PCDHGA4: variants seen among roughly 807,000 people sequenced by gnomAD.
PCDHGA4 encodes the protein protocadherin gamma subfamily A, 4, also known as protocadherin gamma-A4.
A neutral mutation model predicts 54.6 loss-of-function variants in PCDHGA4; 38 were observed. The ratio of observed to expected loss-of-function variants is 0.70; its 90% confidence interval spans 0.54 to 0.91. PCDHGA4 has a LOEUF of 0.91. PCDHGA4 is among the 40% of genes least tolerant of loss of function. The pLI, the probability that PCDHGA4 is intolerant of heterozygous loss-of-function variation, is 0.00. For synonymous variants in PCDHGA4, 511 were observed against 512.9 expected, an observed-to-expected ratio of 1.00 and a Z score of 0.05; for missense variants, 1,298 against 1,220.9, an observed-to-expected ratio of 1.06 and a Z score of -0.94.
rs371130763 is a variant in PCDHGA4 at position 141,432,970 on chromosome 5, G to A, written c.2515-61837G>A. The A allele has an allele frequency of 5.0e-6, 8 of 1,613,996 alleles. No homozygotes were observed. Among genetic ancestry groups the A allele is most frequent in the East Asian group, 4.5e-5 (2 of 44,868 alleles). ...GAGGCGGCTTGACAGGAGCGCCGGC[G>A]TCGCACTTTGTGGGCGTGGACGGGG... On this transcript the variant is annotated intron_variant, in intron 1 of 3. Transcript: ENST00000571252. The surrounding 1 kb of genome is among the most constrained non-coding windows in gnomAD (Gnocchi z 6.0).
intron 1 of PCDHGA4, chr5:141,364,604 C>A (rs370007558): frequency 1.9e-6 from 3 of 1,614,162 alleles, no homozygotes; most frequent in Non-Finnish European, 2.5e-6. Context: ...CAGGATAGAC[C>A]GGGAGGAGCT....
chr5:141,411,174 A>T (rs574627520), intron 1 of PCDHGA4: 4 of 152,400 alleles, frequency 2.6e-5, no homozygotes, highest in African/African-American at 7.2e-5. Flanking sequence ...GAACAGAAGC[A>T]GTGGTCTTGG....
At chr5:141,394,740 G>C in intron 1 of PCDHGA4, 2 of 1,613,404 alleles carry the variant, frequency 1.2e-6, no homozygotes, top group Non-Finnish European at 1.7e-6. Context: ...GCAGAGCCTC[G>C]TGGTGGCCGT....
In PCDHGA4 at chr5:141,486,858, C is replaced by T. The variant is rs2099636039; in HGVS notation, c.2515-7949C>T. The T allele has an allele frequency of 2.5e-6, 4 of 1,614,246 alleles. No homozygotes were observed. The highest frequency in any genetic ancestry group is 1.1e-5 in the South Asian group (1 of 91,088). On this transcript the variant is annotated intron_variant, in intron 1 of 3. Transcript: ENST00000571252. The surrounding 1 kb of genome is among the most constrained non-coding windows in gnomAD (Gnocchi z 5.0). ...TTTGTGCTGGACCTCAATGACAATGCTCCAGCTGTGCTCCGTCCTCGGGCC... is the reference window on the plus strand; with the variant it reads ...TTTGTGCTGGACCTCAATGACAATGTTCCAGCTGTGCTCCGTCCTCGGGCC...
intron 1 of PCDHGA4, among the ~76,000 whole-genome samples, chr5:141,464,803 G>A (rs933573443): frequency 1.5e-4 from 23 of 152,092 alleles, no homozygotes; most frequent in African/African-American, 5.1e-4. Context: ...CAGTGATGCA[G>A]TCATAGCTCA....
chr5:141,444,525 C>T (rs2098439670), intron 1 of PCDHGA4, among the ~76,000 whole-genome samples: 1 of 152,062 alleles, frequency 6.6e-6, no homozygotes, highest in African/African-American at 2.4e-5. Context: ...GTAGGTGAGA[C>T]AGTGACTGTG....
At chr5:141,419,567 G>A in intron 1 of PCDHGA4, 1 of 1,611,758 alleles carries the variant, frequency 6.2e-7, no homozygotes, top group Non-Finnish European at 8.5e-7. Context: ...GCTGGGTCCC[G>A]ACGGCTCCGC....
At chr5:141,460,335 T>C (rs1201595717) in intron 1 of PCDHGA4, among the ~76,000 whole-genome samples, 3 of 152,194 alleles carry the variant, frequency 2.0e-5, no homozygotes, top group Non-Finnish European at 4.4e-5. Flanking sequence ...CTTATGATGA[T>C]TTTCTCCTAT....
chr5:141,378,051 T>C (rs539609296), intron 1 of PCDHGA4: 1 of 152,310 alleles, frequency 6.6e-6, no homozygotes, highest in East Asian at 1.9e-4. Flanking sequence ...TCCTTATCTA[T>C]CTGACTCAAA....
intron 1 of PCDHGA4, chr5:141,393,975 G>C (rs2092889131): frequency 6.2e-7 from 1 of 1,613,680 alleles, no homozygotes; most frequent in Admixed American, 1.7e-5. Context: ...TTACACACGT[G>C]ATAATTTACC....
chr5:141,408,839 A>T (rs1296339131), intron 1 of PCDHGA4: 24 of 1,613,642 alleles, frequency 1.5e-5, no homozygotes, highest in Non-Finnish European at 2.0e-5. Context: ...CTTGATATTG[A>T]CTGCCTTGGA....
intron 1 of PCDHGA4, among the ~76,000 whole-genome samples, chr5:141,472,935 A>G (rs1593400204): frequency 6.6e-6 from 1 of 150,778 alleles, no homozygotes; most frequent in East Asian, 1.9e-4. Context: ...GTGGTGAGCC[A>G]AGATTATGCC....
intron 1 of PCDHGA4, chr5:141,426,675 C>T: frequency 2.3e-6 from 1 of 431,942 alleles, no homozygotes; most frequent in South Asian, 1.6e-5. Flanking sequence ...TAACCCACCT[C>T]ATTTTCCCCA....
In PCDHGA4 at chr5:141,511,406, G is replaced by C; in HGVS notation, c.*233G>C. The C allele has an allele frequency of 1.1e-6, 1 of 942,018 alleles. No individual in the cohort carries two copies. The highest frequency in any genetic ancestry group is 1.7e-5 in the African/African-American group (1 of 60,280). The allele number at this position is 942,018 out of a possible 1,614,324, so 58.4% of individuals were successfully genotyped here. ...GCTGGGAACCCCCATCCAATCAACT[G>C]CTGTACCCATGGGGGTAGTGGGGTT... On this transcript the variant is annotated 3_prime_UTR_variant, in exon 4 of 4. Coordinates refer to ENST00000571252, the MANE Select transcript of PCDHGA4 (RefSeq NM_018917.4).
At chr5:141,368,381 A>G (rs1377109845) in intron 1 of PCDHGA4, among the ~76,000 whole-genome samples, 2 of 152,154 alleles carry the variant, frequency 1.3e-5, no homozygotes, top group East Asian at 3.8e-4. Context: ...ATATACACAC[A>G]TACACACACA....
Position 141,431,755 on chromosome 5 carries a change from AGTCCT to A in PCDHGA4, c.2515-63050_2515-63046del. On this transcript the variant is annotated intron_variant, in intron 1 of 3. Coordinates refer to ENST00000571252, the MANE Select transcript of PCDHGA4 (RefSeq NM_018917.4). This position sits in a 1 kb window ranked among gnomAD's most constrained non-coding sequence, Gnocchi z 4.8. ...ATGCAGGATATTCTGCGCGAGCCAA[AGTCCT>A]GATCACTGTTCTGGACGTGAACGAC... 6.2e-7 allele frequency: 1 copy of A among 1,614,238 alleles called. No individual in the cohort carries two copies. Among genetic ancestry groups the A allele is most frequent in the Non-Finnish European group, 8.5e-7 (1 of 1,180,048 alleles).
At chr5:141,390,012 G>A (rs370865188) in intron 1 of PCDHGA4, 2 of 1,614,034 alleles carry the variant, frequency 1.2e-6, no homozygotes, top group South Asian at 2.2e-5. Context: ...TCTGGCCATT[G>A]CCTTGCGCCT....
At chr5:141,372,031 T>G in intron 1 of PCDHGA4, 3 of 1,613,434 alleles carry the variant, frequency 1.9e-6, no homozygotes, top group Non-Finnish European at 2.5e-6. Context: ...AGCGCCAACG[T>G]GAGCCTGCGC....
Position 141,421,937 on chromosome 5 carries a change from A to G in PCDHGA4, c.2514+64316A>G, listed in dbSNP as rs375878901. The G allele has an allele frequency of 1.5e-5, 25 of 1,613,402 alleles. No homozygotes were observed. In the African/African-American group the frequency reaches 1.6e-4, roughly 10 times the overall value. ...ATTCGTGTGGTGGTCCTCGATGTAA[A>G]TGATCACATCCCAATGTTTACACAG... On this transcript the variant is annotated intron_variant, in intron 1 of 3. Coordinates refer to ENST00000571252, the MANE Select transcript of PCDHGA4 (RefSeq NM_018917.4).
Sources: gnomAD v4.1 joint callset for allele counts (sites outside exome capture counted in the v4.1 genomes callset) on GRCh38, gnomAD v4.1.1 for gene constraint, Gnocchi (gnomAD v3.1) non-coding constraint, MANE v1.5 for transcripts, NCBI Gene and HGNC (gene_info 2026-07-23, HGNC 2026-07-21) for gene names.